The following MAN1A1 variants were observed in gnomAD, a reference collection of about 807,000 sequenced individuals.
MAN1A1 encodes mannosyl-oligosaccharide 1,2-alpha-mannosidase IA.
A neutral mutation model predicts 70.8 loss-of-function variants in MAN1A1; 29 were observed. The ratio of observed to expected loss-of-function variants is 0.41; its 90% CI spans 0.31 to 0.56. MAN1A1 has a LOEUF of 0.56. Ranked by LOEUF, MAN1A1 falls within the 20% of genes least tolerant of loss-of-function variation. The pLI is 0.29. For missense variants in MAN1A1, 747 were observed against 841.3 expected (o/e 0.89, Z 1.39); for synonymous variants, 349 against 330.1 (o/e 1.06, Z -0.62).
chr6:119,208,697 G>C (rs1476039603), intron 6 of MAN1A1, among the ~76,000 whole-genome samples: 1 of 152,208 alleles, frequency 6.6e-6, no homozygotes, highest in African/African-American at 2.4e-5. Context: ...TCCTATGGGA[G>C]AGATGCTAAC....
In MAN1A1 at chr6:119,295,924, C is replaced by T. The variant is rs139149417; in HGVS notation, c.817-5161G>A. On this transcript the variant is annotated intron_variant, in intron 4 of 12. Coordinates refer to ENST00000368468, the MANE Select transcript of MAN1A1 (RefSeq NM_005907.4). ...CTGCTCCATTACTAACACATGATAA[C>T]GATACTTTAATCAATGGCTTTGTTA... Among the ~76,000 whole-genome samples the T allele has an allele frequency of 9.3e-4, 142 of 152,214 alleles. 2 individuals are homozygous for T. In the South Asian group the frequency reaches 0.021, roughly 23 times the overall value.
At chr6:119,334,101 A>C (rs185292401) in intron 2 of MAN1A1, among the ~76,000 whole-genome samples, 1 of 152,192 alleles carries the variant, frequency 6.6e-6, no homozygotes, top group Admixed American at 6.5e-5. Flanking sequence ...CAATTTATAA[A>C]ATTACAATGG....
chr6:119,307,067 G>A, intron 2 of MAN1A1, 75 bp from the exon 3 acceptor site: 2 of 948,002 alleles, frequency 2.1e-6, no homozygotes, highest in Non-Finnish European at 3.3e-6. Flanking sequence ...ATATATTGAA[G>A]AGCAAAGGCT....
intron 6 of MAN1A1, among the ~76,000 whole-genome samples, chr6:119,225,147 A>T (rs1359697360): frequency 6.7e-6 from 1 of 148,842 alleles, no homozygotes; most frequent in Non-Finnish European, 1.5e-5. Context: ...CTGTCTCAAT[A>T]AAAAAAAAAT....
At chr6:119,204,202 G>A (rs953580421) in intron 7 of MAN1A1, among the ~76,000 whole-genome samples, 28 of 152,224 alleles carry the variant, frequency 1.8e-4, no homozygotes, top group African/African-American at 6.5e-4. Context: ...ACTGTGACAG[G>A]TGTGGCTGGG....
chr6:119,281,784 C>T (rs997075218), intron 5 of MAN1A1, among the ~76,000 whole-genome samples: 3 of 152,036 alleles, frequency 2.0e-5, no homozygotes, highest in African/African-American at 4.8e-5. Flanking sequence ...TGGCCAGGTG[C>T]GGTGGCTCAT....
chr6:119,206,229 T>C (rs970181), intron 6 of MAN1A1, among the ~76,000 whole-genome samples: 132,562 of 152,248 alleles, frequency 0.87, 58,123 homozygotes, highest in Non-Finnish European at 0.91. Context: ...GAAGGACAGG[T>C]TGGAGCCAGG....
intron 6 of MAN1A1, among the ~76,000 whole-genome samples, chr6:119,208,674 A>G (rs1039048071): frequency 3.3e-5 from 5 of 152,216 alleles, no homozygotes; most frequent in African/African-American, 1.2e-4. Context: ...GTGCTAGTCT[A>G]TTCATATCTG....
chr6:119,303,018 T>C (rs1434077728), intron 3 of MAN1A1, among the ~76,000 whole-genome samples: 2 of 152,136 alleles, frequency 1.3e-5, no homozygotes, highest in African/African-American at 4.8e-5. Context: ...TTTTAGTCTA[T>C]AAACTTTTTT....
chr6:119,266,666 A>G (rs189866833), intron 5 of MAN1A1, among the ~76,000 whole-genome samples: 134 of 152,278 alleles, frequency 8.8e-4, no homozygotes, highest in Non-Finnish European at 1.4e-3. Context: ...TAAAATCTAG[A>G]TGACCCTGGG....
intron 8 of MAN1A1, among the ~76,000 whole-genome samples, chr6:119,194,214 C>T (rs1032574422): frequency 6.6e-6 from 1 of 152,156 alleles, no homozygotes; most frequent in African/African-American, 2.4e-5. Context: ...TATTTAAATA[C>T]ATTTTTATTT....
In MAN1A1 at chr6:119,209,785, G is replaced by C. The variant is rs1456893812; in HGVS notation, c.993-4903C>G. 2.0e-5 allele frequency among the ~76,000 whole-genome samples: 3 copies of C among 152,138 alleles called. No homozygotes were observed. The East Asian group carries it at 5.8e-4, about 29-fold the overall frequency. The stretch of plus-strand genomic sequence containing the variant: ...CTAAGACCTGGAATAACAATTCCAG[G>C]GGACTGGCATTCTAAGACTAGCCAC... On this transcript the variant is annotated intron_variant, in intron 6 of 12. Coordinates refer to ENST00000368468, the MANE Select transcript of MAN1A1 (RefSeq NM_005907.4).
At chr6:119,297,048 T>A (rs1772235405) in intron 4 of MAN1A1, among the ~76,000 whole-genome samples, 2 of 152,272 alleles carry the variant, frequency 1.3e-5, no homozygotes. Context: ...TAGTTTTCAA[T>A]ATTTCTCATG....
At chr6:119,206,891 T>A (rs1562192067) in intron 6 of MAN1A1, among the ~76,000 whole-genome samples, 1 of 152,190 alleles carries the variant, frequency 6.6e-6, no homozygotes, top group Non-Finnish European at 1.5e-5. Flanking sequence ...TAAGAGGAGA[T>A]GATGACTTTA....
intron 6 of MAN1A1, among the ~76,000 whole-genome samples, chr6:119,209,525 G>T (rs1582698510): frequency 6.6e-6 from 1 of 152,114 alleles, no homozygotes; most frequent in South Asian, 2.1e-4. Context: ...CAAACAGAAT[G>T]GCAAACAGGG....
intron 3 of MAN1A1, among the ~76,000 whole-genome samples, chr6:119,305,168 A>T (rs7741954): frequency 0.38 from 57,387 of 151,908 alleles, 11,308 homozygotes; most frequent in Non-Finnish European, 0.41. Context: ...TTACCGAAAA[A>T]GCCAATGAAA....
chr6:119,258,464 G>T (rs1775518492), intron 5 of MAN1A1, among the ~76,000 whole-genome samples: 1 of 152,078 alleles, frequency 6.6e-6, no homozygotes, highest in Non-Finnish European at 1.5e-5. Flanking sequence ...ATTATATTAG[G>T]TATTATAAGT....
At position 119,269,138 on chromosome 6, in the gene MAN1A1, C is replaced by T. The variant is rs1775842115; in HGVS notation, c.898-20784G>A. On this transcript the variant is annotated intron_variant, in intron 5 of 12. Coordinates refer to ENST00000368468, the MANE Select transcript of MAN1A1 (RefSeq NM_005907.4). ...ATAAACAGTCTTTAGTGGGCTCAAA[C>T]CAGGAGTCCATAGGTCTTGAGGACC... 1.2e-5 allele frequency: 2 copies of T among 172,490 alleles called. 1 individual carries two copies. Among genetic ancestry groups the T allele is most frequent in the South Asian group, 2.2e-4 (2 of 9,054 alleles). 10.7% of individuals were successfully genotyped at this position (172,490 alleles called of 1,614,324 possible). A position where few individuals can be genotyped will look rare whatever the true frequency, so the allele number is the denominator to read the frequency against.
chr6:119,305,677 C>T (rs765315755), intron 3 of MAN1A1, among the ~76,000 whole-genome samples: 1 of 152,162 alleles, frequency 6.6e-6, no homozygotes, highest in Non-Finnish European at 1.5e-5. Flanking sequence ...TGAGGTCCTA[C>T]TGGTTCCTCA....
Sources: allele counts gnomAD v4.1 joint callset (sites outside exome capture counted in the v4.1 genomes callset), GRCh38; gene constraint gnomAD v4.1.1; transcripts MANE v1.5; gene names NCBI Gene and HGNC (gene_info 2026-07-23, HGNC 2026-07-21).